The following ZBTB7A variants were observed in gnomAD, a reference collection of about 807,000 sequenced individuals.
ZBTB7A encodes the protein zinc finger and BTB domain-containing protein 7A.
Under a neutral mutation model 26.7 loss-of-function variants are expected in ZBTB7A, and 7 were observed. The ratio of observed to expected loss-of-function variants is 0.26; its 90% CI spans 0.15 to 0.49. The LOEUF (loss-of-function observed/expected upper bound fraction) is 0.49, where lower values mean the gene tolerates loss of function less well. Ranked by LOEUF, ZBTB7A falls within the 20% of genes least tolerant of loss-of-function variation. The pLI is 0.98. For synonymous variants in ZBTB7A, 452 were observed against 441.0 expected, an observed-to-expected ratio of 1.02 and a Z score of -0.31; for missense variants, 617 against 919.5, an observed-to-expected ratio of 0.67 and a Z score of 4.25.
At chr19:4,066,279 G>C (rs2040695304) in intron 1 of ZBTB7A, among the ~76,000 whole-genome samples, 2 of 147,358 alleles carry the variant, frequency 1.4e-5, no homozygotes, top group African/African-American at 5.0e-5. Context: ...CGGGGGGCGA[G>C]AGCGCCCCTC....
chr19:4,060,154 C>T (rs2145003853), intron 1 of ZBTB7A, among the ~76,000 whole-genome samples: 1 of 152,290 alleles, frequency 6.6e-6, no homozygotes, highest in East Asian at 1.9e-4. Context: ...CCTGGCAGGC[C>T]CCTCCTGGGC....
At chr19:4,064,762 G>GC (rs1409432668) in intron 1 of ZBTB7A, among the ~76,000 whole-genome samples, 1 of 152,150 alleles carries the variant, frequency 6.6e-6, no homozygotes, top group Non-Finnish European at 1.5e-5. Flanking sequence ...GCCGCGGGTG[G>GC]CAGGGGCACC....
At chr19:4,049,834 C>A (rs2040479318) in intron 2 of ZBTB7A, among the ~76,000 whole-genome samples, 1 of 152,186 alleles carries the variant, frequency 6.6e-6, no homozygotes, top group Non-Finnish European at 1.5e-5. Context: ...TTTCTTTTTT[C>A]CTCCTGGATC....
intron 1 of ZBTB7A, among the ~76,000 whole-genome samples, chr19:4,059,939 G>A (rs1004590143): frequency 4.6e-5 from 7 of 152,160 alleles, no homozygotes; most frequent in African/African-American, 1.4e-4. Flanking sequence ...CACGGTACAC[G>A]CCTCCGGAGG....
chr19:4,059,869 G>A (rs1453764612), intron 1 of ZBTB7A, among the ~76,000 whole-genome samples: 2 of 152,192 alleles, frequency 1.3e-5, no homozygotes, highest in Non-Finnish European at 2.9e-5. Context: ...CCCGGCGGGG[G>A]CCACAAAGTC....
chr19:4,060,874 C>G (rs994193673), intron 1 of ZBTB7A, among the ~76,000 whole-genome samples: 11 of 152,202 alleles, frequency 7.2e-5, no homozygotes, highest in Non-Finnish European at 1.6e-4. Context: ...GGGCCCCCAC[C>G]CAACCCTCTG....
rs992592546 is a variant in ZBTB7A at position 4,046,872 on chromosome 19, G to A, written c.*880C>T. On this transcript the variant is annotated 3_prime_UTR_variant, in exon 3 of 3. Coordinates refer to ENST00000322357, the MANE Select transcript of ZBTB7A (RefSeq NM_015898.4). The stretch of plus-strand genomic sequence containing the variant: ...AATTTGGGAGAGGGGGCTCGGGGGA[G>A]AGGACGAAGACAGAAGTTTTGAATC... 8 of 149,488 alleles carry A rather than the reference G, an allele frequency of 5.4e-5. No homozygotes were observed. The highest frequency in any genetic ancestry group is 1.2e-4 in the Non-Finnish European group (8 of 67,374). 9.3% of individuals were successfully genotyped at this position (149,488 alleles called of 1,614,324 possible). A position where few individuals can be genotyped will look rare whatever the true frequency, so the allele number is the denominator to read the frequency against.
rs2040415829 is a variant in ZBTB7A at position 4,046,330 on chromosome 19, C to T, written c.*1422G>A. 1.2e-5 allele frequency: 4 copies of T among 328,658 alleles called. No homozygotes were observed. Among genetic ancestry groups the T allele is most frequent in the East Asian group, 9.6e-5 (2 of 20,776 alleles). 20.4% of individuals were successfully genotyped at this position (328,658 alleles called of 1,614,324 possible). ...TTTTGGGGAACAGAAGTGGATTCTACGTTTGTGGTGGGTTTTTTTTTTTAT... is the reference window on the plus strand; with the variant it reads ...TTTTGGGGAACAGAAGTGGATTCTATGTTTGTGGTGGGTTTTTTTTTTTAT... On this transcript the variant is annotated 3_prime_UTR_variant, in exon 3 of 3. Transcript: ENST00000322357.
At position 4,066,801 on chromosome 19, in the gene ZBTB7A, C is replaced by T. The variant is rs1008413445; in HGVS notation, c.-135G>A. On this transcript the variant is annotated 5_prime_UTR_variant, in exon 1 of 3. Transcript: ENST00000322357. ...TGCCCGCGTCGCGCTGCCCTGGTCG[C>T]TCCCTCGCGCGGCGGCGGCGGCGTC... The T allele has an allele frequency of 6.6e-6, 1 of 152,322 alleles. No individual in the cohort carries two copies. Among genetic ancestry groups the T allele is most frequent in the Non-Finnish European group, 1.5e-5 (1 of 68,204 alleles). The allele number at this position is 152,322 out of a possible 1,614,324, so 9.4% of individuals were successfully genotyped here.
chr19:4,053,500 T>C (rs2040527123), intron 2 of ZBTB7A, among the ~76,000 whole-genome samples: 1 of 74,536 alleles, frequency 1.3e-5, no homozygotes, highest in Admixed American at 1.5e-4. Flanking sequence ...TGTGCGTGCC[T>C]GGGTGTGCGT....
intron 1 of ZBTB7A, among the ~76,000 whole-genome samples, chr19:4,060,975 C>G (rs747971024): frequency 6.6e-6 from 1 of 152,180 alleles, no homozygotes; most frequent in Non-Finnish European, 1.5e-5. Context: ...GCTCCCCCAC[C>G]TCCAAGCTGT....
chr19:4,048,311 C>G lies in ZBTB7A; in HGVS notation c.1263-67G>C. The stretch of plus-strand genomic sequence containing the variant: ...GGACCCCCGATCCCCGCCCAGGGAC[C>G]CTCACGGACACGGCAGGCCCTGGAT... On this transcript the variant is annotated intron_variant, in intron 2 of 2. Coordinates refer to ENST00000322357, the MANE Select transcript of ZBTB7A (RefSeq NM_015898.4). The surrounding 1 kb of genome is among the most constrained non-coding windows in gnomAD (Gnocchi z 6.7). The G allele has an allele frequency of 1.3e-6, 2 of 1,485,690 alleles. No individual in the cohort carries two copies. Among genetic ancestry groups the G allele is most frequent in the Non-Finnish European group, 1.8e-6 (2 of 1,127,704 alleles). The allele number at this position is 1,485,690 out of a possible 1,614,324, so 92.0% of individuals were successfully genotyped here. A position where few individuals can be genotyped will look rare whatever the true frequency, so the allele number is the denominator to read the frequency against.
At position 4,052,605 on chromosome 19, in the gene ZBTB7A, G is replaced by T. The variant is rs964447466; in HGVS notation, c.1262+1366C>A. Among the ~76,000 whole-genome samples, 6 of 152,008 alleles carry T rather than the reference G, an allele frequency of 3.9e-5. No individual in the cohort carries two copies. The highest frequency in any genetic ancestry group is 8.8e-5 in the Non-Finnish European group (6 of 67,958). ...TCTTCAGCCTCGGTGGGCGTGGCTGGGGGAACCCCAGGGCGGGCGGGGGGC... is the reference window on the plus strand; with the variant it reads ...TCTTCAGCCTCGGTGGGCGTGGCTGTGGGAACCCCAGGGCGGGCGGGGGGC... On this transcript the variant is annotated intron_variant, in intron 2 of 2. Coordinates refer to ENST00000322357, the MANE Select transcript of ZBTB7A (RefSeq NM_015898.4). This position sits in a 1 kb window ranked among gnomAD's most constrained non-coding sequence, Gnocchi z 4.9.
chr19:4,055,951 T>C (rs921954074), intron 1 of ZBTB7A, among the ~76,000 whole-genome samples: 7 of 152,132 alleles, frequency 4.6e-5, no homozygotes, highest in Non-Finnish European at 7.4e-5. Flanking sequence ...TGCATGAGGA[T>C]AGCCAGATGT....
chr19:4,059,287 T>C (rs1436405636), intron 1 of ZBTB7A, among the ~76,000 whole-genome samples: 1 of 152,122 alleles, frequency 6.6e-6, no homozygotes, highest in Non-Finnish European at 1.5e-5. Context: ...GTGTCTTTCC[T>C]GGGGCCTGGA....
rs2040540956 is a variant in ZBTB7A at position 4,054,167 on chromosome 19, A to G, written c.1066T>C (p.Phe356Leu). ...KGVMDYYLKYFSGAHDGDVYP... is the reference protein window; with the variant it reads ...KGVMDYYLKYLSGAHDGDVYP... ...ACGTCGCCGTCGTGGGCGCCGCTGA[A>G]GTACTTCAGGTAGTAGTCCATGACG... Residue 356 changes from phenylalanine (F) to leucine (L), a missense_variant, in exon 2 of 3, where the codon TTC (phenylalanine) becomes CTC (leucine). Coordinates refer to ENST00000322357, the MANE Select transcript of ZBTB7A (RefSeq NM_015898.4). 3.1e-6 allele frequency: 5 copies of G among 1,601,364 alleles called. No individual in the cohort carries two copies. In the Middle Eastern group the frequency reaches 6.6e-4, roughly 211 times the overall value.
chr19:4,047,993 C>T lies in ZBTB7A; in HGVS notation c.1514G>A (p.Gly505Asp), dbSNP rs769787601. ...CCCCGGGCTGGGGTCGGGCGCCCCGCCCCGGACGCGGGGCTTGCGGCCGCG... is the reference window on the plus strand; with the variant it reads ...CCCCGGGCTGGGGTCGGGCGCCCCGTCCCGGACGCGGGGCTTGCGGCCGCG... ...SRRGRKPRVR[G>D]GAPDPSPGAT... Residue 505 changes from glycine (G) to aspartate (D), a missense_variant, in exon 3 of 3, where the codon GGC becomes GAC. Transcript: ENST00000322357. The T allele has an allele frequency of 7.6e-7, 1 of 1,309,836 alleles. No homozygotes were observed. The highest frequency in any genetic ancestry group is 9.8e-7 in the Non-Finnish European group (1 of 1,018,862). The allele number at this position is 1,309,836 out of a possible 1,614,324, so 81.1% of individuals were successfully genotyped here. A position where few individuals can be genotyped will look rare whatever the true frequency, so the allele number is the denominator to read the frequency against.
chr19:4,062,408 C>T (rs2040648192), intron 1 of ZBTB7A, among the ~76,000 whole-genome samples: 1 of 152,320 alleles, frequency 6.6e-6, no homozygotes, highest in Non-Finnish European at 1.5e-5. Flanking sequence ...TTGATAATCG[C>T]CCCAGAGACC....
At position 4,055,183 on chromosome 19, in the gene ZBTB7A, C is replaced by A; in HGVS notation, c.50G>T (p.Ser17Ile). 1 of 1,591,694 alleles carries A rather than the reference C, an allele frequency of 6.3e-7. No homozygotes were observed. Residue 17 changes from serine (S) to isoleucine (I), a missense_variant, in exon 2 of 3, where the codon AGC becomes ATC. Physicochemically the swap from Ser to Ile is moderately radical, Grantham distance 142. Around this residue, in one of 5 missense-constraint regions of ZBTB7A, gnomAD observed 82 missense variants for 195.2 expected, o/e 0.42. Transcript: ENST00000322357. ...GPIGIPFPDH[S>I]SDILSGLNEQ... Reference sequence around the variant, plus strand: ...GTTCAGCCCACTCAGGATGTCGCTGCTGTGGTCGGGGAACGGGATCCCGAT... The same window carrying A: ...GTTCAGCCCACTCAGGATGTCGCTGATGTGGTCGGGGAACGGGATCCCGAT...
Sources: allele counts gnomAD v4.1 joint callset (sites outside exome capture counted in the v4.1 genomes callset), GRCh38; gene constraint gnomAD v4.1.1; regional missense constraint gnomAD v4.1.1; non-coding constraint Gnocchi (gnomAD v3.1); transcripts MANE v1.5; gene names NCBI Gene and HGNC (gene_info 2026-07-23, HGNC 2026-07-21).